Variants in METTL15 observed in about 807,000 individuals in gnomAD.
The protein encoded by METTL15 is 12S rRNA N(4)-cytidine methyltransferase METTL15.
METTL15 carries 34 observed loss-of-function variants against 38.3 expected under a neutral mutation model. That is an observed-to-expected ratio of 0.89 (90% CI 0.68 to 1.18). The LOEUF (loss-of-function observed/expected upper bound fraction) is 1.18. Ranked by LOEUF, METTL15 falls within the 50% of genes most tolerant of loss-of-function variation. METTL15 has a pLI of 0.00. For synonymous variants in METTL15, 162 were observed against 170.9 expected (o/e 0.95, Z 0.41); for missense variants, 438 against 498.4 (o/e 0.88, Z 1.15).
chr11:28,178,130 T>G (rs749970056), intron 3 of METTL15, among the ~76,000 whole-genome samples: 2 of 151,902 alleles, frequency 1.3e-5, no homozygotes, highest in Non-Finnish European at 2.9e-5. Flanking sequence ...TGCCCAGACA[T>G]TCTACTGAGA....
chr11:28,465,186 G>A (rs145160378), intron 6 of METTL15, among the ~76,000 whole-genome samples: 9 of 152,030 alleles, frequency 5.9e-5, no homozygotes, highest in Non-Finnish European at 1.3e-4. Context: ...TCTTTCAACG[G>A]TAATGACCAC....
At chr11:28,208,253 A>G (rs914961631) in intron 3 of METTL15, among the ~76,000 whole-genome samples, 3 of 152,154 alleles carry the variant, frequency 2.0e-5, no homozygotes, top group African/African-American at 4.8e-5. Flanking sequence ...ATTTAGTGCT[A>G]TAAATTTCCC....
intron 5 of METTL15, among the ~76,000 whole-genome samples, chr11:28,381,875 T>G (rs939868027): frequency 2.0e-5 from 3 of 152,142 alleles, no homozygotes; most frequent in African/African-American, 7.2e-5. Flanking sequence ...TATCTTTGCT[T>G]TGTCCACTTG....
intron 6 of METTL15, among the ~76,000 whole-genome samples, chr11:28,313,547 TA>T (rs943902357): frequency 1.3e-5 from 2 of 151,796 alleles, no homozygotes; most frequent in African/African-American, 4.8e-5. Flanking sequence ...GTTAGGAAAT[TA>T]AAAAAAACTT....
At chr11:28,410,393 A>G (rs375770755) in intron 5 of METTL15, among the ~76,000 whole-genome samples, 86 of 152,264 alleles carry the variant, frequency 5.6e-4, no homozygotes, top group African/African-American at 2.0e-3. Flanking sequence ...AGCAAACTGA[A>G]TTCAACAACA....
At chr11:28,523,126 A>G (rs892771313) in intron 6 of METTL15, among the ~76,000 whole-genome samples, 1 of 152,180 alleles carries the variant, frequency 6.6e-6, no homozygotes, top group Non-Finnish European at 1.5e-5. Flanking sequence ...AAGTGGCATT[A>G]AAAAAGGGTA....
chr11:28,429,385 C>A (rs1226901563), intron 6 of METTL15, among the ~76,000 whole-genome samples: 44 of 126,410 alleles, frequency 3.5e-4, no homozygotes, highest in African/African-American at 6.7e-4. Flanking sequence ...CCCTCTCCCT[C>A]TCCCTCTCCC....
At chr11:28,259,525 G>A (rs1731096852) in intron 4 of METTL15, among the ~76,000 whole-genome samples, 2 of 152,168 alleles carry the variant, frequency 1.3e-5, no homozygotes, top group Admixed American at 6.5e-5. Flanking sequence ...TTATCCGTTG[G>A]TGGTGAGACT....
At chr11:28,115,869 T>C (rs1851922031) in intron 3 of METTL15, among the ~76,000 whole-genome samples, 1 of 151,384 alleles carries the variant, frequency 6.6e-6, no homozygotes. Flanking sequence ...CCCATACACA[T>C]ATATATGTGT....
chr11:28,525,218 T>G (rs1012004223), intron 6 of METTL15, among the ~76,000 whole-genome samples: 2 of 152,192 alleles, frequency 1.3e-5, no homozygotes, highest in Admixed American at 6.5e-5. Flanking sequence ...CTGAGCGGGT[T>G]GCCACTGCTG....
intron 5 of METTL15, among the ~76,000 whole-genome samples, chr11:28,364,444 T>C (rs1351497493): frequency 6.6e-6 from 1 of 152,170 alleles, no homozygotes; most frequent in African/African-American, 2.4e-5. Context: ...CTCATAGCTA[T>C]TGTAAATGGG....
chr11:28,115,007 T>C (rs756009789), intron 3 of METTL15, among the ~76,000 whole-genome samples: 1 of 152,228 alleles, frequency 6.6e-6, no homozygotes, highest in Non-Finnish European at 1.5e-5. Context: ...GACAAAGATA[T>C]GAATCTGAAT....
intron 3 of METTL15, among the ~76,000 whole-genome samples, chr11:28,167,911 G>A (rs942195444): frequency 3.3e-5 from 5 of 152,022 alleles, no homozygotes; most frequent in Admixed American, 3.3e-4. Context: ...AGCCTTTGAA[G>A]TGGTGGACAA....
At chr11:28,328,643 T>C (rs1050949564) in intron 6 of METTL15, among the ~76,000 whole-genome samples, 1 of 152,094 alleles carries the variant, frequency 6.6e-6, no homozygotes, top group Non-Finnish European at 1.5e-5. Flanking sequence ...TTTGTATAAA[T>C]CTATTGAACA....
At chr11:28,523,307 GC>G (rs1326461074) in intron 6 of METTL15, among the ~76,000 whole-genome samples, 4 of 152,184 alleles carry the variant, frequency 2.6e-5, no homozygotes, top group African/African-American at 9.7e-5. Context: ...ATAAATGTGA[GC>G]AAAAATAATA....
chr11:28,344,622 C>G (rs1849981792), intron 3 of METTL15, among the ~76,000 whole-genome samples: 1 of 152,126 alleles, frequency 6.6e-6, no homozygotes, highest in Non-Finnish European at 1.5e-5. Context: ...TCTTTCATAC[C>G]TGGGTGCTTC....
chr11:28,439,223 A>G (rs567274330), intron 6 of METTL15, among the ~76,000 whole-genome samples: 73 of 152,290 alleles, frequency 4.8e-4, no homozygotes, highest in Non-Finnish European at 9.0e-4. Flanking sequence ...GGACTAGGAT[A>G]TCTGTGGAGG....
rs1372269706 is a variant in METTL15 at position 28,332,867 on chromosome 11, C to T, written c.*2026C>T. 6.7e-6 allele frequency: 1 copy of T among 149,254 alleles called. No homozygotes were observed. Among genetic ancestry groups the T allele is most frequent in the Non-Finnish European group, 1.5e-5 (1 of 67,720 alleles). The allele number at this position is 149,254 out of a possible 1,614,324, so 9.2% of individuals were successfully genotyped here. On this transcript the variant is annotated 3_prime_UTR_variant, in exon 7 of 7. Coordinates refer to ENST00000407364, the MANE Select transcript of METTL15 (RefSeq NM_001113528.2). Reference sequence around the variant, plus strand: ...GTCTGAGGCACAAGAATCACTCGAACCTGGGAGGTGGAGGTTGCGAGATCA... The same window carrying T: ...GTCTGAGGCACAAGAATCACTCGAATCTGGGAGGTGGAGGTTGCGAGATCA...
intron 3 of METTL15, among the ~76,000 whole-genome samples, chr11:28,339,827 C>A (rs1849934351): frequency 6.6e-6 from 1 of 152,022 alleles, no homozygotes. Flanking sequence ...GAATAAAAGT[C>A]ACATGAGCCA....
Sources: allele counts gnomAD v4.1 joint callset (sites outside exome capture counted in the v4.1 genomes callset), GRCh38; gene constraint gnomAD v4.1.1; transcripts MANE v1.5; gene names NCBI Gene and HGNC (gene_info 2026-07-23, HGNC 2026-07-21).